Variants in FSIP1 observed in about 807,000 individuals in gnomAD.
The protein encoded by FSIP1 is fibrous sheath interacting protein 1, also known as fibrous sheath-interacting protein 1.
In FSIP1, 65 loss-of-function variants were observed where a neutral mutation model predicts 60.9. The ratio of observed to expected loss-of-function variants is 1.07; its 90% CI spans 0.87 to 1.31. The LOEUF is 1.31. Ranked by LOEUF, FSIP1 falls within the 40% of genes most tolerant of loss-of-function variation. The pLI is 0.00. For synonymous variants in FSIP1, 209 were observed against 221.2 expected (o/e 0.94, Z 0.49); for missense variants, 675 against 665.5 (o/e 1.01, Z -0.16).
chr15:39,643,851 C>G (rs905889834), intron 10 of FSIP1, among the ~76,000 whole-genome samples: 1 of 152,198 alleles, frequency 6.6e-6, no homozygotes, highest in African/African-American at 2.4e-5. Flanking sequence ...TGAATCTCAG[C>G]TTCAAAACTT....
chr15:39,692,476 T>C (rs1458041835), intron 10 of FSIP1, among the ~76,000 whole-genome samples: 2 of 151,964 alleles, frequency 1.3e-5, no homozygotes, highest in African/African-American at 4.8e-5. Flanking sequence ...CAGAGCACTT[T>C]AGGAAAAAAA....
intron 10 of FSIP1, among the ~76,000 whole-genome samples, chr15:39,690,091 T>C (rs1894536152): frequency 6.6e-6 from 1 of 152,164 alleles, no homozygotes; most frequent in African/African-American, 2.4e-5. Flanking sequence ...GTGCAAAGAT[T>C]CAGTGGCATA....
intron 8 of FSIP1, among the ~76,000 whole-genome samples, chr15:39,735,696 T>C (rs959612070): frequency 2.0e-5 from 3 of 152,216 alleles, no homozygotes; most frequent in African/African-American, 7.2e-5. Flanking sequence ...TTTAAAACTT[T>C]TAAATTTGTT....
chr15:39,665,785 G>A (rs1893472662), intron 10 of FSIP1, among the ~76,000 whole-genome samples: 1 of 152,044 alleles, frequency 6.6e-6, no homozygotes, highest in South Asian at 2.1e-4. Flanking sequence ...GCTATTAAAA[G>A]AACAAACAGG....
chr15:39,611,568 CAAAGG>C (rs1891035073), intron 11 of FSIP1, among the ~76,000 whole-genome samples: 1 of 152,074 alleles, frequency 6.6e-6, no homozygotes, highest in South Asian at 2.1e-4. Flanking sequence ...TATCAAACCA[CAAAGG>C]AAAGTAGCAA....
In FSIP1 at chr15:39,770,523, T is replaced by A. The variant is rs1897845189; in HGVS notation, c.214A>T (p.Lys72Ter). The A allele has an allele frequency of 6.2e-7, 1 of 1,611,728 alleles. No homozygotes were observed. Residue 72 changes from lysine (K) to a stop codon, truncating the protein, a stop_gained, in exon 3 of 12, where the codon AAG (lysine) becomes TAG (stop). Transcript: ENST00000350221. LOFTEE classifies it high-confidence loss of function. ...TENRRTSNDD[K>*]QESCSEKIKL... Reference sequence around the variant, plus strand: ...ATTTTCTCAGAGCAGCTTTCCTGCTTATCATCATTACTAGTTCTTCTGTTC... The same window carrying A: ...ATTTTCTCAGAGCAGCTTTCCTGCTAATCATCATTACTAGTTCTTCTGTTC...
At chr15:39,655,828 T>C (rs969762287) in intron 10 of FSIP1, among the ~76,000 whole-genome samples, 2 of 152,188 alleles carry the variant, frequency 1.3e-5, no homozygotes, top group African/African-American at 4.8e-5. Context: ...CTCAAGCAGG[T>C]TGCTCTGGAT....
chr15:39,736,315 G>A (rs981813304), intron 8 of FSIP1, among the ~76,000 whole-genome samples: 39 of 152,296 alleles, frequency 2.6e-4, no homozygotes, highest in African/African-American at 9.1e-4. Context: ...CCTGCTCCTA[G>A]ACACAGCCCC....
At chr15:39,618,374 A>G (rs1891317902) in intron 10 of FSIP1, 129 bp from the exon 11 acceptor site, 3 of 732,430 alleles carry the variant, frequency 4.1e-6, no homozygotes, top group Non-Finnish European at 6.5e-6. Context: ...TAGAAAAATA[A>G]TTCATTGTAA....
chr15:39,772,935 T>C (rs1490493504), intron 2 of FSIP1, among the ~76,000 whole-genome samples: 4 of 152,096 alleles, frequency 2.6e-5, no homozygotes, highest in African/African-American at 9.7e-5. Flanking sequence ...TCCATACCTT[T>C]ATCTTAATCA....
In FSIP1 at chr15:39,725,396, C is replaced by T. The variant is rs1011770919; in HGVS notation, c.1050+1193G>A. Reference sequence around the variant, plus strand: ...AGGGTCAGAAGCAGCTGTTCCTGTCCGCCAGAAATACAACCAGTCACAAAA... The same window carrying T: ...AGGGTCAGAAGCAGCTGTTCCTGTCTGCCAGAAATACAACCAGTCACAAAA... On this transcript the variant is annotated intron_variant, in intron 9 of 11. Transcript: ENST00000350221. Among the ~76,000 whole-genome samples the T allele has an allele frequency of 3.9e-5, 6 of 152,168 alleles. No homozygotes were observed. The South Asian group carries it at 6.2e-4, about 16-fold the overall frequency.
intron 8 of FSIP1, among the ~76,000 whole-genome samples, chr15:39,737,729 T>G (rs541052863): frequency 6.6e-6 from 1 of 152,248 alleles, no homozygotes; most frequent in East Asian, 1.9e-4. Flanking sequence ...TACAGGTAAA[T>G]TTGTGTCATG....
At position 39,775,209 on chromosome 15, in the gene FSIP1, G is replaced by A. The variant is rs527903778; in HGVS notation, c.126+1190C>T. Among the ~76,000 whole-genome samples, 138 of 152,000 alleles carry A rather than the reference G, an allele frequency of 9.1e-4. 1 individual carries two copies. The South Asian group carries it at 0.027, about 30-fold the overall frequency. ...TTTTTTAATTTTTTGTAGACTCAGGGTCTCACAATGTTGCCCAGGCTTTAA... is the reference window on the plus strand; with the variant it reads ...TTTTTTAATTTTTTGTAGACTCAGGATCTCACAATGTTGCCCAGGCTTTAA... On this transcript the variant is annotated intron_variant, in intron 2 of 11. Transcript: ENST00000350221.
chr15:39,734,916 G>C (rs1896550037), intron 8 of FSIP1, among the ~76,000 whole-genome samples: 1 of 152,128 alleles, frequency 6.6e-6, no homozygotes, highest in Non-Finnish European at 1.5e-5. Flanking sequence ...TAAAATGATA[G>C]AGATGACCTT....
At position 39,618,004 on chromosome 15, in the gene FSIP1, T is replaced by C; in HGVS notation, c.1430A>G (p.Glu477Gly). The change falls in exon 11 of 12, where the codon GAA becomes GGA. Residue 477 changes from glutamate (E) to glycine (G), a missense_variant. Coordinates refer to ENST00000350221, the MANE Select transcript of FSIP1 (RefSeq NM_152597.5). ...AGTGAGATAGTAGCCTTTAGAAGCT[T>C]CACATTCTTCACTCTCAAGCATATC... is the stretch of plus-strand genomic sequence containing the variant. ...DADMLESEEC[E>G]ASKGYYLTKA... 1.2e-6 allele frequency: 2 copies of C among 1,614,208 alleles called. No homozygotes were observed. The highest frequency in any genetic ancestry group is 1.7e-6 in the Non-Finnish European group (2 of 1,180,032).
At chr15:39,690,503 T>G (rs1894553575) in intron 10 of FSIP1, among the ~76,000 whole-genome samples, 1 of 152,216 alleles carries the variant, frequency 6.6e-6, no homozygotes, top group Admixed American at 6.5e-5. Flanking sequence ...GTCTATGTTA[T>G]TAGCAACAAT....
At chr15:39,751,684 G>A (rs553536338) in intron 5 of FSIP1, among the ~76,000 whole-genome samples, 1 of 151,910 alleles carries the variant, frequency 6.6e-6, no homozygotes, top group South Asian at 2.1e-4. Flanking sequence ...GGAAAATGTA[G>A]GTCAAAGGAT....
rs546381393 is a variant in FSIP1, at chr15:39,765,398, G to A, written c.465+194C>T. On this transcript the variant is annotated intron_variant, in intron 4 of 11. Transcript: ENST00000350221. ...TAGGGCAACAAGCACGTACTACCAT[G>A]CCTGGCTAATTTTTTAGGTTTTTTT... Among the ~76,000 whole-genome samples, 3 of 151,898 alleles carry A rather than the reference G, an allele frequency of 2.0e-5. No homozygotes were observed. In the South Asian group the frequency reaches 6.2e-4, roughly 32 times the overall value.
At chr15:39,670,125 G>C (rs781468027) in intron 10 of FSIP1, among the ~76,000 whole-genome samples, 41 of 152,320 alleles carry the variant, frequency 2.7e-4, no homozygotes, top group Middle Eastern at 3.4e-3. Flanking sequence ...ACATTACATG[G>C]ATAGTGGTGA....
Sources: gnomAD v4.1 joint callset for allele counts (sites outside exome capture counted in the v4.1 genomes callset) on GRCh38, gnomAD v4.1.1 for gene constraint, MANE v1.5 for transcripts, NCBI Gene and HGNC (gene_info 2026-07-23, HGNC 2026-07-21) for gene names.